The following KRT73 variants were observed in gnomAD, a reference collection of about 807,000 sequenced individuals.
KRT73 encodes the protein keratin 73, also known as keratin, type II cytoskeletal 73.
In KRT73, 44 loss-of-function variants were observed where a neutral mutation model predicts 47.2. That is an observed-to-expected ratio of 0.93 (90% CI 0.73 to 1.20). The LOEUF is 1.20. Ranked by LOEUF, KRT73 falls within the 50% of genes most tolerant of loss-of-function variation. KRT73 has a pLI of 0.00. For synonymous variants in KRT73, 285 were observed against 291.3 expected, an observed-to-expected ratio of 0.98 and a Z score of 0.22; for missense variants, 713 against 704.5, an observed-to-expected ratio of 1.01 and a Z score of -0.14.
At chr12:52,610,266 A>G in intron 7 of KRT73, 1 of 294,854 alleles carries the variant, frequency 3.4e-6, no homozygotes, top group Non-Finnish European at 6.6e-6. Context: ...AGTAGAGACG[A>G]GGTTTCTCCA....
chr12:52,611,921 T>C (rs1251510365), intron 5 of KRT73, among the ~76,000 whole-genome samples: 1 of 152,200 alleles, frequency 6.6e-6, no homozygotes, highest in Non-Finnish European at 1.5e-5. Flanking sequence ...TTCTATTCCG[T>C]TGCCACTGGC....
chr12:52,609,317 CGTG>C (rs1940647254), intron 7 of KRT73, 36 bp from the exon 8 acceptor site: 21 of 1,590,516 alleles, frequency 1.3e-5, no homozygotes, highest in Non-Finnish European at 1.7e-5. Flanking sequence ...GTCTGAATCA[CGTG>C]GACTCCCATA....
In KRT73 at chr12:52,618,518, G is replaced by C. The variant is rs76875855; in HGVS notation, c.7C>G (p.Arg3Gly). ...GCTCCCGACTTGTAGGTGAATTGGCGGCTCATGGTGGGGAGGCCAGAAAGT... is the reference window on the plus strand; with the variant it reads ...GCTCCCGACTTGTAGGTGAATTGGCCGCTCATGGTGGGGAGGCCAGAAAGT... MS[R>G]QFTYKSGAAA... Residue 3 changes from arginine (R) to glycine (G), a missense_variant, in exon 1 of 9, where the codon CGC becomes GGC. Coordinates refer to ENST00000305748, the MANE Select transcript of KRT73 (RefSeq NM_175068.3). 408 of 1,597,498 alleles carry C rather than the reference G, an allele frequency of 2.6e-4. 1 individual carries two copies. The highest frequency in any genetic ancestry group is 3.3e-4 in the Non-Finnish European group (392 of 1,171,426).
intron 7 of KRT73, among the ~76,000 whole-genome samples, chr12:52,609,537 C>CT (rs1184160260): frequency 6.6e-6 from 1 of 152,220 alleles, no homozygotes; most frequent in African/African-American, 2.4e-5. Flanking sequence ...AAGGTCCCTC[C>CT]TGCAGGGTTT....
At chr12:52,618,044 GAGCCCAAGA>G in intron 1 of KRT73, 25 bp downstream of exon 1, 1 of 1,602,092 alleles carries the variant, frequency 6.2e-7, no homozygotes. Context: ...CTTAAAAGGG[GAGCCCAAGA>G]TCAGCTTTCT....
chr12:52,619,193 G>A (rs1268823080), upstream of KRT73, among the ~76,000 whole-genome samples: 1 of 152,216 alleles, frequency 6.6e-6, no homozygotes, highest in Non-Finnish European at 1.5e-5. Context: ...TGCACACACT[G>A]ACTTCTTTTT....
At chr12:52,608,481 G>C in intron 8 of KRT73, 29 bp from the exon 9 acceptor site, 1 of 1,578,280 alleles carries the variant, frequency 6.3e-7, no homozygotes, top group Non-Finnish European at 8.6e-7. Flanking sequence ...CGAGTGATCA[G>C]TGTATATCCC....
chr12:52,616,453 G>A lies in KRT73; in HGVS notation c.448-73C>T, dbSNP rs1940816481. On this transcript the variant is annotated intron_variant, in intron 1 of 8. Transcript: ENST00000305748. ...AGAATTCCCTTCCTGGACAGGAACTGTGTTTTCTTATGCTACATTAGCTTT... is the reference window on the plus strand; with the variant it reads ...AGAATTCCCTTCCTGGACAGGAACTATGTTTTCTTATGCTACATTAGCTTT... 2.5e-6 allele frequency: 4 copies of A among 1,572,012 alleles called. No individual in the cohort carries two copies. In the Admixed American group the frequency reaches 5.2e-5, roughly 20 times the overall value.
At chr12:52,628,293 C>A in the KRT73 span, among the ~76,000 whole-genome samples, 1 of 152,100 alleles carries the variant, frequency 6.6e-6, no homozygotes, top group Non-Finnish European at 1.5e-5. Context: ...CCAGCCCACC[C>A]TCAGGTTGCT....
Position 52,609,148 on chromosome 12 carries a change from G to A in KRT73, c.1366+99C>T, listed in dbSNP as rs527532184. 17 of 1,056,142 alleles carry A rather than the reference G, an allele frequency of 1.6e-5. No individual in the cohort carries two copies. In the Admixed American group the frequency reaches 1.9e-4, roughly 12 times the overall value. 65.4% of individuals were successfully genotyped at this position (1,056,142 alleles called of 1,614,324 possible). On this transcript the variant is annotated intron_variant, in intron 8 of 8. Transcript: ENST00000305748. The stretch of plus-strand genomic sequence containing the variant: ...TATGTGACCAAGTGGTCAACAGGCA[G>A]AGCCAAGCTCTTCCTCAGGGGGCTG...
At chr12:52,614,726 G>C (rs1940777352) in intron 3 of KRT73, 52 bp from the exon 4 acceptor site, 10 of 1,485,910 alleles carry the variant, frequency 6.7e-6, no homozygotes, top group Non-Finnish European at 9.2e-6. Flanking sequence ...GCCCAGACAG[G>C]CCTCTCCAGC....
At position 52,618,353 on chromosome 12, in the gene KRT73, A is replaced by G; in HGVS notation, c.172T>C (p.Ser58Pro). 6.2e-7 allele frequency: 1 copy of G among 1,614,178 alleles called. No homozygotes were observed. Among genetic ancestry groups the G allele is most frequent in the Non-Finnish European group, 8.5e-7 (1 of 1,180,044 alleles). ...CCACTGCCACTGGCCACATTGAAAGAGATGCTCCGGGCACCCCCCAGGCTG... is the reference window on the plus strand; with the variant it reads ...CCACTGCCACTGGCCACATTGAAAGGGATGCTCCGGGCACCCCCCAGGCTG... ...LYSLGGARSISFNVASGSGWA... is the reference protein window; with the variant it reads ...LYSLGGARSIPFNVASGSGWA... Residue 58 changes from serine to proline, a missense_variant, in exon 1 of 9, where the codon TCT (serine) becomes CCT (proline). By Grantham distance (74) the Ser-to-Pro change is moderately conservative. Coordinates refer to ENST00000305748, the MANE Select transcript of KRT73 (RefSeq NM_175068.3).
intron 8 of KRT73, 129 bp downstream of exon 8, chr12:52,609,118 G>T: frequency 1.3e-6 from 1 of 796,314 alleles, no homozygotes. Context: ...AGCAAGGAAG[G>T]TGAGTATGTG....
At chr12:52,618,692 C>T (rs1940861530), upstream of KRT73, 1 of 658,930 alleles carries the variant, frequency 1.5e-6, no homozygotes, top group South Asian at 2.2e-5. Context: ...CCAGCAAAAT[C>T]AGACACCAGG....
chr12:52,611,354 G>A (rs1361098144), intron 5 of KRT73, 25 bp from the exon 6 acceptor site: 1 of 1,613,794 alleles, frequency 6.2e-7, no homozygotes, highest in Admixed American at 1.7e-5. Context: ...ACCAAAGCAA[G>A]AACACTGACT....
At chr12:52,622,028 A>T (rs1316692488), upstream of KRT73, among the ~76,000 whole-genome samples, 2 of 152,224 alleles carry the variant, frequency 1.3e-5, no homozygotes, top group Non-Finnish European at 1.5e-5. Context: ...CCAAAACAGA[A>T]GATTTAAACA....
chr12:52,614,244 T>C, intron 4 of KRT73: 1 of 343,844 alleles, frequency 2.9e-6, no homozygotes, highest in Non-Finnish European at 5.3e-6. Context: ...TTCCTACCTC[T>C]ATCCCTGGGG....
intron 4 of KRT73, chr12:52,614,180 AGGTTGAG>A (rs1206493910): frequency 2.9e-6 from 1 of 340,832 alleles, no homozygotes; most frequent in Non-Finnish European, 5.3e-6. Context: ...CTTGGCCAAT[AGGTTGAG>A]GCTTGAAACC....
upstream of KRT73, among the ~76,000 whole-genome samples, chr12:52,619,666 G>T (rs1374907291): frequency 6.6e-6 from 1 of 152,178 alleles, no homozygotes; most frequent in Non-Finnish European, 1.5e-5. Context: ...CAGGTACTGT[G>T]CTAGGCTCTT....
Sources: allele counts gnomAD v4.1 joint callset (sites outside exome capture counted in the v4.1 genomes callset), GRCh38; gene constraint gnomAD v4.1.1; transcripts MANE v1.5; gene names NCBI Gene and HGNC (gene_info 2026-07-23, HGNC 2026-07-21).